Variants in EPHB4 observed in about 807,000 individuals in gnomAD.
The protein encoded by EPHB4 is ephrin type-B receptor 4.
A neutral mutation model predicts 110.6 loss-of-function variants in EPHB4; 50 were observed. The observed-to-expected ratio is 0.45, with a 90% confidence interval of 0.36 to 0.57. The LOEUF (loss-of-function observed/expected upper bound fraction) is 0.57. Among genes scored for constraint, EPHB4 ranks in the 20% least tolerant of loss-of-function variants. The pLI, the probability that EPHB4 is intolerant of heterozygous loss-of-function variation, is 0.00. For synonymous variants in EPHB4, 592 were observed against 578.4 expected, an observed-to-expected ratio of 1.02 and a Z score of -0.34; for missense variants, 1,128 against 1,382.1, an observed-to-expected ratio of 0.82 and a Z score of 2.91.
chr7:100,824,152 C>G, intron 2 of EPHB4, 51 bp downstream of exon 2: 1 of 1,612,610 alleles, frequency 6.2e-7, no homozygotes, highest in Non-Finnish European at 8.5e-7. Context: ...CAGGCGCCCT[C>G]TCCTCCCTCA....
chr7:100,816,086 A>C (rs573487684), intron 8 of EPHB4, among the ~76,000 whole-genome samples: 11 of 152,078 alleles, frequency 7.2e-5, no homozygotes, highest in African/African-American at 2.6e-4. Flanking sequence ...CAGCAGATCG[A>C]GACCAGGAGG....
At chr7:100,820,841 G>C (rs775692835) in intron 4 of EPHB4, among the ~76,000 whole-genome samples, 3 of 151,698 alleles carry the variant, frequency 2.0e-5, no homozygotes, top group Non-Finnish European at 4.4e-5. Context: ...ACAATCTTTT[G>C]GCACTTGGAA....
chr7:100,813,162 C>A lies in EPHB4; in HGVS notation c.1803G>T (p.Glu601Asp). 1 of 1,609,692 alleles carries A rather than the reference C, an allele frequency of 6.2e-7. No homozygotes were observed. The highest frequency in any genetic ancestry group is 1.3e-5 in the African/African-American group (1 of 75,052). Residue 601 changes from glutamate (E) to aspartate (D), a missense_variant, in exon 11 of 17, where the codon GAG becomes GAT. Coordinates refer to ENST00000358173, the MANE Select transcript of EPHB4 (RefSeq NM_004444.5). The part of the protein sequence containing the change: ...IDPFTYEDPN[E>D]AVREFAKEID... ...TCTCTTTTGCAAATTCCCTCACAGC[C>A]TCATTAGGGTCTTCATAAGTGAAGG...
intron 2 of EPHB4, 89 bp downstream of exon 2, chr7:100,824,114 A>G: frequency 2.5e-6 from 4 of 1,577,894 alleles, no homozygotes; most frequent in East Asian, 2.2e-5. Flanking sequence ...GACAGGGGAG[A>G]GGAGTGGCAC....
rs78081360 is a variant in EPHB4, at chr7:100,813,655, G to A, written c.1753C>T (p.His585Tyr). ...CCATCAAATTAGGGCAACCCACCAT[G>A]TCCGATGAGATACTGTCCGTGTTTG... ...SDKHGQYLIG[H>Y]GTKVYIDPFT... is the part of the protein sequence containing the mutation. Residue 585 changes from histidine (H) to tyrosine (Y), a missense_variant, in exon 10 of 17, where the codon CAT (histidine) becomes TAT (tyrosine). By Grantham distance (83) the His-to-Tyr change is moderately conservative. Coordinates refer to ENST00000358173, the MANE Select transcript of EPHB4 (RefSeq NM_004444.5). The A allele has an allele frequency of 1.2e-6, 2 of 1,613,994 alleles. No homozygotes were observed. The highest frequency in any genetic ancestry group is 2.2e-5 in the East Asian group (1 of 44,870).
chr7:100,813,303 GT>G, intron 10 of EPHB4, 95 bp from the exon 11 acceptor site: 1 of 733,356 alleles, frequency 1.4e-6, no homozygotes, highest in Admixed American at 3.6e-5. Context: ...CCCTGTCTCC[GT>G]GGTTTTTTTT....
At chr7:100,821,100 C>G (rs1239457823) in intron 4 of EPHB4, 1 of 150,458 alleles carries the variant, frequency 6.6e-6, no homozygotes, top group African/African-American at 2.4e-5. Context: ...GCACTCCAGC[C>G]TGGGCAAAAA....
Position 100,806,448 on chromosome 7 carries a change from C to T in EPHB4, c.2456G>A (p.Arg819Lys). 6.2e-7 allele frequency: 1 copy of T among 1,614,000 alleles called. No homozygotes were observed. The highest frequency in any genetic ancestry group is 2.2e-5 in the East Asian group (1 of 44,882). Residue 819 changes from arginine to lysine, a missense_variant, in exon 14 of 17, where the codon AGG (arginine) becomes AAG (lysine). Coordinates refer to ENST00000358173, the MANE Select transcript of EPHB4 (RefSeq NM_004444.5). ...CTGATTGCTCATGTCCCAGTACGGC[C>T]TCTCCCCAAATGACATCACCTCCCA... ...VMWEVMSFGE[R>K]PYWDMSNQDV...
intron 1 of EPHB4, among the ~76,000 whole-genome samples, chr7:100,826,072 C>A (rs1813382991): frequency 6.6e-6 from 1 of 152,194 alleles, no homozygotes; most frequent in South Asian, 2.1e-4. Flanking sequence ...CGCCCCATAA[C>A]CACTTTCATA....
intron 13 of EPHB4, 25 bp from the exon 14 acceptor site, chr7:100,806,594 G>A (rs1384897469): frequency 6.2e-7 from 1 of 1,603,796 alleles, no homozygotes; most frequent in South Asian, 1.1e-5. Context: ...GAAAAGGTGA[G>A]CTGGGGGACT....
chr7:100,825,458 G>A (rs1813357260), intron 1 of EPHB4: 1 of 152,314 alleles, frequency 6.6e-6, no homozygotes, highest in Admixed American at 6.5e-5. Context: ...CCGCAGCCCA[G>A]AGCAAGCGCA....
rs763126310 is a variant in EPHB4 at position 100,805,532 on chromosome 7, T to C, written c.2647A>G (p.Ser883Gly). 6.6e-7 allele frequency: 1 copy of C among 1,525,118 alleles called. No homozygotes were observed. Among genetic ancestry groups the C allele is most frequent in the Non-Finnish European group, 8.8e-7 (1 of 1,136,772 alleles). 94.5% of individuals were successfully genotyped at this position (1,525,118 alleles called of 1,614,324 possible). A position where few individuals can be genotyped will look rare whatever the true frequency, so the allele number is the denominator to read the frequency against. ...ALDKMIRNPA[S>G]LKIVARENGG... ...TTCTCCCGGGCCACGATTTTGAGGC[T>C]GGCGGGGTTCCGGATCATCTTGTCC... The change falls in exon 15 of 17, where the codon AGC becomes GGC. Residue 883 changes from serine (S) to glycine (G), a missense_variant. By Grantham distance (56) the Ser-to-Gly change is moderately conservative (BLOSUM62 0). Around this residue, in one of 3 missense-constraint regions of EPHB4, gnomAD observed 209 missense variants for 240.5 expected, o/e 0.87. Transcript: ENST00000358173.
chr7:100,815,187 G>A (rs1813037273), intron 8 of EPHB4, among the ~76,000 whole-genome samples: 1 of 152,016 alleles, frequency 6.6e-6, no homozygotes, highest in African/African-American at 2.4e-5. Flanking sequence ...GCTGGGCATG[G>A]TGGCTCATGC....
At chr7:100,814,659 G>A (rs985353755) in intron 8 of EPHB4, among the ~76,000 whole-genome samples, 9 of 152,130 alleles carry the variant, frequency 5.9e-5, no homozygotes, top group Admixed American at 5.9e-4. Context: ...TTCACCAAAA[G>A]ATACAATAAA....
chr7:100,816,437 G>A (rs1039634824), intron 8 of EPHB4, among the ~76,000 whole-genome samples: 6 of 151,524 alleles, frequency 4.0e-5, no homozygotes, highest in Non-Finnish European at 2.9e-5. Flanking sequence ...AGGTTCAAGC[G>A]ATTCTCCTGC....
Position 100,814,027 on chromosome 7 carries a change from G to T in EPHB4, c.1589-6C>A. On this transcript the variant is annotated splice_polypyrimidine_tract_variant and splice_region_variant and intron_variant, in intron 8 of 16. Coordinates refer to ENST00000358173, the MANE Select transcript of EPHB4 (RefSeq NM_004444.5). ...CTCCCGCCAGCCCTCGCTCTCTGCG[G>T]AAGGAAAGGCTGCTGATCAGGAGAA... The T allele has an allele frequency of 6.2e-7, 1 of 1,613,586 alleles. No homozygotes were observed. The highest frequency in any genetic ancestry group is 1.1e-5 in the South Asian group (1 of 91,044).
intron 5 of EPHB4, 24 bp from the exon 6 acceptor site, chr7:100,819,913 C>T (rs778263219): frequency 6.5e-7 from 1 of 1,532,260 alleles, no homozygotes; most frequent in East Asian, 2.5e-5. Flanking sequence ...GGGAGTCAGG[C>T]AGAGGCCGAC....
rs1813167394 is a variant in EPHB4 at position 100,819,614 on chromosome 7, A to G, written c.1240T>C (p.Ser414Pro). The G allele has an allele frequency of 6.2e-7, 1 of 1,601,182 alleles. No homozygotes were observed. Among genetic ancestry groups the G allele is most frequent in the African/African-American group, 1.3e-5 (1 of 74,672 alleles). The stretch of plus-strand genomic sequence containing the variant: ...AATGGGACGGGCCCCGTGGCTAAGG[A>G]GGATACCCCGTTCAATGCAGTGACC... ...FEVTALNGVS[S>P]LATGPVPFEP... Residue 414 changes from serine (S) to proline (P), a missense_variant, in exon 6 of 17, where the codon TCC becomes CCC. This residue lies in a region of EPHB4 where 728 missense variants were observed against 828.6 expected (regional missense o/e 0.88). Coordinates refer to ENST00000358173, the MANE Select transcript of EPHB4 (RefSeq NM_004444.5).
intron 2 of EPHB4, 103 bp downstream of exon 2, chr7:100,824,100 G>C (rs558242397): frequency 6.4e-7 from 1 of 1,554,832 alleles, no homozygotes; most frequent in African/African-American, 1.4e-5. Context: ...CTGTCATCTG[G>C]GGGGACAGGG....
Sources: allele counts gnomAD v4.1 joint callset (sites outside exome capture counted in the v4.1 genomes callset), GRCh38; gene constraint gnomAD v4.1.1; regional missense constraint gnomAD v4.1.1; transcripts MANE v1.5; gene names NCBI Gene and HGNC (gene_info 2026-07-23, HGNC 2026-07-21).